MB21D2: variants seen among roughly 807,000 people sequenced by gnomAD.
MB21D2 encodes nucleotidyltransferase MB21D2.
Under a neutral mutation model 33.3 loss-of-function variants are expected in MB21D2, and 9 were observed. The ratio of observed to expected loss-of-function variants is 0.27; its 90% CI spans 0.16 to 0.47. The LOEUF is 0.47. Ranked by LOEUF, MB21D2 falls within the 20% of genes least tolerant of loss-of-function variation. The pLI, the probability that MB21D2 is intolerant of heterozygous loss-of-function variation, is 0.99. For synonymous variants in MB21D2, 241 were observed against 236.3 expected (o/e 1.02, Z -0.18); for missense variants, 540 against 624.6 (o/e 0.86, Z 1.44).
chr3:192,813,524 A>AAT (rs945815145), intron 1 of MB21D2, among the ~76,000 whole-genome samples: 1 of 152,138 alleles, frequency 6.6e-6, no homozygotes, highest in East Asian at 1.9e-4. Flanking sequence ...CTAAATAAAC[A>AAT]ATATATATAT....
intron 1 of MB21D2, among the ~76,000 whole-genome samples, chr3:192,845,439 GT>G (rs1327095196): frequency 1.3e-5 from 2 of 152,202 alleles, no homozygotes; most frequent in South Asian, 4.1e-4. Context: ...ATGAAGAAGT[GT>G]TTCCTCTCCA....
intron 1 of MB21D2, among the ~76,000 whole-genome samples, chr3:192,879,812 C>A (rs894648017): frequency 6.6e-6 from 1 of 152,202 alleles, no homozygotes; most frequent in Non-Finnish European, 1.5e-5. Context: ...GCGAGAAAAT[C>A]TTTTAAGCTT....
At chr3:192,829,523 G>T (rs1473529524) in intron 1 of MB21D2, among the ~76,000 whole-genome samples, 1 of 152,204 alleles carries the variant, frequency 6.6e-6, no homozygotes, top group Non-Finnish European at 1.5e-5. Context: ...CATTTAATGG[G>T]CAACCTCAGA....
intron 1 of MB21D2, among the ~76,000 whole-genome samples, chr3:192,842,113 T>C (rs1462776830): frequency 6.7e-6 from 1 of 150,006 alleles, no homozygotes; most frequent in Non-Finnish European, 1.5e-5. Flanking sequence ...ATGAAATAGC[T>C]GTTGTAAAAC....
At chr3:192,812,317 T>C (rs1480249394) in intron 1 of MB21D2, among the ~76,000 whole-genome samples, 1 of 147,842 alleles carries the variant, frequency 6.8e-6, no homozygotes, top group Non-Finnish European at 1.5e-5. Context: ...ATTACAGGCG[T>C]GAGCCACCAT....
chr3:192,840,596 C>T (rs936439934), intron 1 of MB21D2, among the ~76,000 whole-genome samples: 1 of 151,680 alleles, frequency 6.6e-6, no homozygotes, highest in East Asian at 1.9e-4. Flanking sequence ...ATGAGTGAGG[C>T]GCTATGGTAG....
At chr3:192,842,980 G>A (rs1712607238) in intron 1 of MB21D2, among the ~76,000 whole-genome samples, 1 of 152,184 alleles carries the variant, frequency 6.6e-6, no homozygotes. Flanking sequence ...CATGCCCTTG[G>A]GGTGAAAAGA....
At chr3:192,844,360 C>T (rs144479482) in intron 1 of MB21D2, among the ~76,000 whole-genome samples, 324 of 152,298 alleles carry the variant, frequency 2.1e-3, no homozygotes, top group Middle Eastern at 6.8e-3. Context: ...CTATCTTCAT[C>T]ACCCTGTCAT....
chr3:192,873,341 T>C (rs528042493), intron 1 of MB21D2, among the ~76,000 whole-genome samples: 1 of 152,158 alleles, frequency 6.6e-6, no homozygotes, highest in Non-Finnish European at 1.5e-5. Context: ...CCCAGCTTCA[T>C]CATAGCACAC....
intron 1 of MB21D2, among the ~76,000 whole-genome samples, chr3:192,820,961 T>G (rs949036454): frequency 4.6e-5 from 7 of 151,920 alleles, no homozygotes; most frequent in Non-Finnish European, 2.9e-5. Context: ...AGAGATGAGG[T>G]CTCGCTATGT....
chr3:192,796,834 CTTTT>C lies in MB21D2; in HGVS notation c.*1548_*1551del, dbSNP rs574485000. On this transcript the variant is annotated 3_prime_UTR_variant, in exon 2 of 2. Coordinates refer to ENST00000392452, the MANE Select transcript of MB21D2 (RefSeq NM_178496.4). The stretch of plus-strand genomic sequence containing the variant: ...ACAAAATTTCAAGGCCAGTATGTTT[CTTTT>C]TTTATTATTTTTGTGTTTGACTTAG... 7 of 152,236 alleles carry C rather than the reference CTTTT, an allele frequency of 4.6e-5. No homozygotes were observed. The highest frequency in any genetic ancestry group is 2.1e-4 in the South Asian group (1 of 4,808). 9.4% of individuals were successfully genotyped at this position (152,236 alleles called of 1,614,324 possible).
In MB21D2 at chr3:192,798,749, G is replaced by T; in HGVS notation, c.1113C>A (p.Asn371Lys). ...GGATGAAATAATTGGGGCACATCTT[G>T]TTGACCAGACAGTGTTGCAGGTCAT... ...LIDDLQHCLV[N>K]KMCPNYFIPQ... Residue 371 changes from asparagine (N) to lysine (K), a missense_variant, in exon 2 of 2, where the codon AAC becomes AAA. Physicochemically the swap from Asn to Lys is moderately conservative, Grantham distance 94. Transcript: ENST00000392452. This position sits in a 1 kb window ranked among gnomAD's most constrained non-coding sequence, Gnocchi z 4.8. The T allele has an allele frequency of 2.5e-6, 4 of 1,613,404 alleles. No individual in the cohort carries two copies. The highest frequency in any genetic ancestry group is 3.4e-6 in the Non-Finnish European group (4 of 1,180,030).
chr3:192,841,342 C>T (rs1054732794), intron 1 of MB21D2, among the ~76,000 whole-genome samples: 3 of 152,360 alleles, frequency 2.0e-5, no homozygotes, highest in Non-Finnish European at 4.4e-5. Context: ...CACCTCTCAC[C>T]TTGTATCAAA....
chr3:192,870,728 A>AG (rs1553859983), intron 1 of MB21D2, among the ~76,000 whole-genome samples: 3 of 118,528 alleles, frequency 2.5e-5, no homozygotes, highest in African/African-American at 4.4e-5. Flanking sequence ...AAGGAAGGAG[A>AG]GAAGAAGGAA....
chr3:192,827,839 T>C (rs1202034041), intron 1 of MB21D2, among the ~76,000 whole-genome samples: 6 of 152,142 alleles, frequency 3.9e-5, no homozygotes, highest in Admixed American at 3.9e-4. Context: ...TTTTGTTTGA[T>C]ATGGTTTGGC....
chr3:192,914,345 G>A (rs537489820), intron 1 of MB21D2, among the ~76,000 whole-genome samples: 4 of 152,110 alleles, frequency 2.6e-5, no homozygotes, highest in African/African-American at 4.8e-5. Flanking sequence ...CCATGGTACC[G>A]ACCACTTGGT....
At chr3:192,917,522 G>C (rs1007476576) in intron 1 of MB21D2, 108 bp downstream of exon 1, 6 of 1,212,280 alleles carry the variant, frequency 4.9e-6, no homozygotes, top group Admixed American at 4.0e-5. Context: ...GCACCGGCTC[G>C]GGAAGGCAAC....
At chr3:192,857,506 G>A (rs1353865177) in intron 1 of MB21D2, among the ~76,000 whole-genome samples, 1 of 152,184 alleles carries the variant, frequency 6.6e-6, no homozygotes, top group Non-Finnish European at 1.5e-5. Context: ...AGAGCTGCTG[G>A]AGACTCAAAG....
intron 1 of MB21D2, among the ~76,000 whole-genome samples, chr3:192,872,965 T>C (rs1713342866): frequency 6.6e-6 from 1 of 151,744 alleles, no homozygotes; most frequent in African/African-American, 2.4e-5. Flanking sequence ...AATTTAGTGA[T>C]ACTCAGCAAA....
Sources: allele counts gnomAD v4.1 joint callset (sites outside exome capture counted in the v4.1 genomes callset), GRCh38; gene constraint gnomAD v4.1.1; non-coding constraint Gnocchi (gnomAD v3.1); transcripts MANE v1.5; gene names NCBI Gene and HGNC (gene_info 2026-07-23, HGNC 2026-07-21).